Variants in FAAH2 observed in about 807,000 individuals in gnomAD.
FAAH2 encodes fatty acid amide hydrolase 2, also known as fatty-acid amide hydrolase 2.
FAAH2 carries 60 observed loss-of-function variants against 36.9 expected under a neutral mutation model. That is an observed-to-expected ratio of 1.63 (90% confidence interval 1.32 to 2.02). The LOEUF (loss-of-function observed/expected upper bound fraction) is 2.02. Among genes scored for constraint, FAAH2 ranks in the 30% most tolerant of loss-of-function variants. The pLI is 0.00. For synonymous variants in FAAH2, 214 were observed against 143.8 expected (o/e 1.49, Z -3.49); for missense variants, 689 against 397.5 (o/e 1.73, Z -6.23).
rs191837888 is a variant in FAAH2 at position 57,487,876 on chromosome X, A to G, written c.1424-881A>G. Among the ~76,000 whole-genome samples the G allele has an allele frequency of 9.8e-5, 11 of 112,060 alleles. No individual in the cohort carries two copies. In the East Asian group the frequency reaches 3.1e-3, roughly 31 times the overall value. ...TTTGCAGCATAATTAGTAATAGCCA[A>G]AAGTATTAGTCCAACTGTCCAGTAA... On this transcript the variant is annotated intron_variant, in intron 10 of 10. Transcript: ENST00000374900.
chrX:57,404,090 C>T (rs1242244986), intron 7 of FAAH2, among the ~76,000 whole-genome samples: 1 of 112,268 alleles, frequency 8.9e-6, no homozygotes, highest in Non-Finnish European at 1.9e-5. Context: ...GGGCCATCCA[C>T]AGGTTCCTGG....
chrX:57,405,618 G>C (rs931787636), intron 7 of FAAH2, among the ~76,000 whole-genome samples: 1 of 106,287 alleles, frequency 9.4e-6, no homozygotes, highest in Non-Finnish European at 1.9e-5. Flanking sequence ...GTATATCAGA[G>C]CTCCCATAAA....
At chrX:57,296,664 G>A (rs1174333348) in intron 2 of FAAH2, among the ~76,000 whole-genome samples, 1 of 111,494 alleles carries the variant, frequency 9.0e-6, no homozygotes, top group African/African-American at 3.3e-5. Flanking sequence ...CAAGCTAAAG[G>A]AGGAAGTTTG....
chrX:57,160,399 T>C, the FAAH2 span, among the ~76,000 whole-genome samples: 3 of 112,029 alleles, frequency 2.7e-5, no homozygotes, highest in African/African-American at 9.7e-5. Context: ...TGATTGGAAT[T>C]GTTTCAAAAG....
intron 7 of FAAH2, among the ~76,000 whole-genome samples, chrX:57,416,112 A>G (rs1255151269): frequency 9.0e-6 from 1 of 110,724 alleles, no homozygotes; most frequent in African/African-American, 3.3e-5. Context: ...TTTTGGGCCT[A>G]TATGTGTCTT....
the FAAH2 span, among the ~76,000 whole-genome samples, chrX:57,146,112 G>A: frequency 9.1e-6 from 1 of 109,744 alleles, no homozygotes; most frequent in African/African-American, 3.3e-5. Context: ...GAATGATGGT[G>A]TCATTTTGAT....
intron 2 of FAAH2, among the ~76,000 whole-genome samples, chrX:57,299,934 C>A (rs982012225): frequency 9.0e-6 from 1 of 111,139 alleles, no homozygotes; most frequent in African/African-American, 3.3e-5. Flanking sequence ...GAACTACAAA[C>A]CACTGCTCAA....
At chrX:57,484,381 G>T (rs1370835122) in intron 10 of FAAH2, among the ~76,000 whole-genome samples, 2 of 111,052 alleles carry the variant, frequency 1.8e-5, no homozygotes, top group Non-Finnish European at 3.8e-5. Context: ...GGAACTCCTG[G>T]TACAAACACT....
At chrX:57,227,693 A>G in the FAAH2 span, among the ~76,000 whole-genome samples, 3 of 111,063 alleles carry the variant, frequency 2.7e-5, no homozygotes, top group Non-Finnish European at 3.8e-5. Context: ...CTGGTGGTGG[A>G]TAGGGCCCTA....
the FAAH2 span, among the ~76,000 whole-genome samples, chrX:57,188,959 G>A: frequency 1.8e-5 from 2 of 111,367 alleles, no homozygotes; most frequent in Non-Finnish European, 3.8e-5. Context: ...AAGTTCTCCT[G>A]GATAATATCC....
At chrX:57,174,999 A>G in the FAAH2 span, among the ~76,000 whole-genome samples, 3 of 111,912 alleles carry the variant, frequency 2.7e-5, no homozygotes, top group African/African-American at 9.7e-5. Flanking sequence ...CTGGGCTATC[A>G]TATCATCTAT....
upstream of FAAH2, among the ~76,000 whole-genome samples, chrX:57,284,136 G>T (rs191250931): frequency 5.2e-4 from 58 of 112,174 alleles, no homozygotes; most frequent in African/African-American, 1.5e-3. Context: ...GCTGCTTCCA[G>T]CCTGAGAACT....
intron 6 of FAAH2, among the ~76,000 whole-genome samples, chrX:57,379,533 T>G (rs1161744908): frequency 1.9e-5 from 1 of 51,882 alleles, no homozygotes; most frequent in African/African-American, 1.5e-4. Flanking sequence ...TCTCTCTCGC[T>G]CTCTCTCTCT....
intron 5 of FAAH2, among the ~76,000 whole-genome samples, chrX:57,359,069 A>G (rs772959032): frequency 1.8e-5 from 2 of 111,178 alleles, no homozygotes; most frequent in East Asian, 5.7e-4. Context: ...TTATGTTTAA[A>G]TGTACAATAT....
At chrX:57,229,360 G>A in the FAAH2 span, 2 of 111,839 alleles carry the variant, frequency 1.8e-5, no homozygotes, top group South Asian at 3.8e-4. Context: ...AGGGCTTCTA[G>A]TACTTTATCT....
At chrX:57,479,920 T>A (rs1430225993) in intron 10 of FAAH2, among the ~76,000 whole-genome samples, 1 of 111,213 alleles carries the variant, frequency 9.0e-6, no homozygotes, top group African/African-American at 3.3e-5. Context: ...TAAAAAATGA[T>A]AAAGGAGATA....
chrX:57,222,468 A>T, the FAAH2 span, among the ~76,000 whole-genome samples: 40 of 111,938 alleles, frequency 3.6e-4, no homozygotes, highest in African/African-American at 1.3e-3. Flanking sequence ...CTCTCTAAAC[A>T]GCTTAAAGCC....
At chrX:57,429,977 A>G (rs2056256476) in intron 7 of FAAH2, among the ~76,000 whole-genome samples, 1 of 111,501 alleles carries the variant, frequency 9.0e-6, no homozygotes, top group South Asian at 3.8e-4. Flanking sequence ...TGAGAGCTAA[A>G]TAATGTATAG....
At chrX:57,356,631 A>C (rs1305710944) in intron 5 of FAAH2, among the ~76,000 whole-genome samples, 1 of 110,047 alleles carries the variant, frequency 9.1e-6, no homozygotes, top group Non-Finnish European at 1.9e-5. Context: ...TAGTTACTTG[A>C]GGTTTCTCTT....
Sources: gnomAD v4.1 joint callset for allele counts (sites outside exome capture counted in the v4.1 genomes callset) on GRCh38, gnomAD v4.1.1 for gene constraint, MANE v1.5 for transcripts, NCBI Gene and HGNC (gene_info 2026-07-23, HGNC 2026-07-21) for gene names.